Variants in COL6A3 observed in about 807,000 individuals in gnomAD.
COL6A3 encodes the protein collagen alpha-3(VI) chain.
In COL6A3, 137 loss-of-function variants were observed where a neutral mutation model predicts 274.1. That is an observed-to-expected ratio of 0.50 (90% CI 0.44 to 0.58). The LOEUF (loss-of-function observed/expected upper bound fraction) is 0.58, where lower values mean the gene tolerates loss of function less well. Among genes scored for constraint, COL6A3 ranks in the 20% least tolerant of loss-of-function variants. COL6A3 has a pLI of 0.00. For synonymous variants in COL6A3, 1,650 were observed against 1,650.6 expected (o/e 1.00, Z 0.01); for missense variants, 3,950 against 4,124.9 (o/e 0.96, Z 1.16).
At chr2:237,379,906 T>A (rs2077958666) in intron 5 of COL6A3, among the ~76,000 whole-genome samples, 1 of 152,242 alleles carries the variant, frequency 6.6e-6, no homozygotes, top group South Asian at 2.1e-4. Context: ...AGAAGGAGAC[T>A]AGTTGCTAGG....
rs767827741 is a variant in COL6A3 at position 237,374,438 on chromosome 2, G to GT, written c.3652_3653insA (p.Pro1218HisfsTer30). 6.2e-7 allele frequency: 1 copy of GT among 1,613,322 alleles called. No homozygotes were observed. The highest frequency in any genetic ancestry group is 8.5e-7 in the Non-Finnish European group (1 of 1,179,990). ...TGGGCTCGGTAGAGGCTGCAACACC[G>GT]GCTGCAGCCTGCTCAGCTCCTCGCG... On this transcript the variant is annotated frameshift_variant, in exon 8 of 44. Coordinates refer to ENST00000295550, the MANE Select transcript of COL6A3 (RefSeq NM_004369.4). LOFTEE classifies it high-confidence loss of function. The surrounding 1 kb of genome is among the most constrained non-coding windows in gnomAD (Gnocchi z 4.8).
intron 39 of COL6A3, among the ~76,000 whole-genome samples, chr2:237,338,714 G>A (rs1700673429): frequency 6.6e-6 from 1 of 152,226 alleles, no homozygotes; most frequent in African/African-American, 2.4e-5. Context: ...GTTACAGTGA[G>A]CCAAGATTGC....
At chr2:237,408,993 C>A (rs556851046) in intron 1 of COL6A3, among the ~76,000 whole-genome samples, 2 of 152,244 alleles carry the variant, frequency 1.3e-5, no homozygotes, top group South Asian at 4.1e-4. Flanking sequence ...CTCCACATGG[C>A]ACCCTAAAAT....
In COL6A3 at chr2:237,387,734, G is replaced by C; in HGVS notation, c.1160C>G (p.Ala387Gly). The part of the protein sequence containing the change: ...FGLGAQAASR[A>G]ELQHIATDDN... ...ATCGGTAGCTATGTGCTGAAGCTCT[G>C]CCCTGGAGGCGGCCTGGGCTCCAAG... The change falls in exon 4 of 44, where the codon GCA becomes GGA. Residue 387 changes from alanine (A) to glycine (G), a missense_variant. Around this residue, in one of 5 missense-constraint regions of COL6A3, gnomAD observed 1,934 missense variants for 1,984.3 expected, o/e 0.97. Coordinates refer to ENST00000295550, the MANE Select transcript of COL6A3 (RefSeq NM_004369.4). 1 of 1,614,038 alleles carries C rather than the reference G, an allele frequency of 6.2e-7. No individual in the cohort carries two copies.
At chr2:237,326,885 A>G (rs770086449) in intron 42 of COL6A3, 4 of 152,272 alleles carry the variant, frequency 2.6e-5, no homozygotes, top group Non-Finnish European at 5.9e-5. Flanking sequence ...AAAGGTGCAC[A>G]GGACTGAGGC....
In COL6A3 at chr2:237,330,807, A is replaced by G. The variant is rs183727043; in HGVS notation, c.9328+2643T>C. ...CATTAACATATGCAAACGAAAACCA[A>G]TGGTAACACTGGTCCTCTCCTCTTC... On this transcript the variant is annotated intron_variant, in intron 42 of 43. Transcript: ENST00000295550. 1.6e-3 allele frequency among the ~76,000 whole-genome samples: 250 copies of G among 152,328 alleles called. 3 individuals carry two copies. The highest frequency in any genetic ancestry group is 5.0e-3 in the African/African-American group (207 of 41,562).
chr2:237,374,461 G>A lies in COL6A3; in HGVS notation c.3630C>T (p.Arg1210=), dbSNP rs757349824. The A allele has an allele frequency of 8.7e-6, 14 of 1,613,758 alleles. No homozygotes were observed. Among genetic ancestry groups the A allele is most frequent in the Admixed American group, 3.3e-5 (2 of 60,008 alleles). ...VISERVTQLT[R]EELSRLQPVL... ...CCGGCTGCAGCCTGCTCAGCTCCTC[G>A]CGGGTGAGCTGGGTCACCCTCTCAG... The change falls in exon 8 of 44, where the codon CGC becomes CGT. Residue 1210 remains arginine, a synonymous_variant. Transcript: ENST00000295550. The surrounding 1 kb of genome is among the most constrained non-coding windows in gnomAD (Gnocchi z 4.8).
intron 4 of COL6A3, among the ~76,000 whole-genome samples, chr2:237,384,349 C>T (rs1254651050): frequency 2.6e-5 from 4 of 152,134 alleles, no homozygotes; most frequent in African/African-American, 9.7e-5. Flanking sequence ...ACTTCACTGC[C>T]TTGTTGGGAG....
chr2:237,376,947 C>G lies in COL6A3; in HGVS notation c.2895G>C (p.Gln965His). The G allele has an allele frequency of 6.2e-7, 1 of 1,614,254 alleles. No homozygotes were observed. Among genetic ancestry groups the G allele is most frequent in the Non-Finnish European group, 8.5e-7 (1 of 1,180,044 alleles). Residue 965 changes from glutamine to histidine, a missense_variant, in exon 7 of 44, where the codon CAG becomes CAC. Physicochemically the swap from Gln to His is conservative, Grantham distance 24. This residue lies in a region of COL6A3 where 1,934 missense variants were observed against 1,984.3 expected (regional missense o/e 0.97). Transcript: ENST00000295550. ...RVDGPASNLK[Q>H]SGVVPFIFQA... ...GGAAGATGAAAGGCACAACCCCACT[C>G]TGCTTCAGGTTACTTGCTGGCCCAT... is the stretch of plus-strand genomic sequence containing the variant.
chr2:237,363,442 G>A, intron 13 of COL6A3, 44 bp from the exon 14 acceptor site: 2 of 1,611,794 alleles, frequency 1.2e-6, no homozygotes, highest in Non-Finnish European at 1.7e-6. Context: ...TAGGCATGTG[G>A]AAAATGCAAT....
intron 20 of COL6A3, 44 bp downstream of exon 20, chr2:237,358,988 ATGT>A (rs755562421): frequency 2.5e-6 from 4 of 1,589,018 alleles, no homozygotes; most frequent in South Asian, 1.1e-5. Flanking sequence ...CCTAAATGAA[ATGT>A]TGATATTCTT....
Position 237,368,607 on chromosome 2 carries a change from G to A in COL6A3, c.4856C>T (p.Thr1619Ile). 6.2e-7 allele frequency: 1 copy of A among 1,614,166 alleles called. No individual in the cohort carries two copies. Among genetic ancestry groups the A allele is most frequent in the Non-Finnish European group, 8.5e-7 (1 of 1,180,024 alleles). Residue 1619 changes from threonine to isoleucine, a missense_variant, in exon 10 of 44, where the codon ACT becomes ATT. Thr to Ile is a moderately conservative substitution (Grantham distance 89, BLOSUM62 -1). Coordinates refer to ENST00000295550, the MANE Select transcript of COL6A3 (RefSeq NM_004369.4). This position sits in a 1 kb window ranked among gnomAD's most constrained non-coding sequence, Gnocchi z 4.4. The part of the protein sequence containing the change: ...IMNSFGPSAA[T>I]PAPPGVDTPP... ...GGTGTCCACCCCTGGAGGTGCAGGA[G>A]TGGCTGCGGAGGGTCCAAACGAGTT...
At position 237,363,017 on chromosome 2, in the gene COL6A3, G is replaced by A. The variant is rs144085261; in HGVS notation, c.6063+236C>T. Among the ~76,000 whole-genome samples, 230 of 152,234 alleles carry A rather than the reference G, an allele frequency of 1.5e-3. 2 individuals are homozygous for A. The highest frequency in any genetic ancestry group is 5.2e-3 in the African/African-American group (214 of 41,536). On this transcript the variant is annotated intron_variant, in intron 14 of 43. Coordinates refer to ENST00000295550, the MANE Select transcript of COL6A3 (RefSeq NM_004369.4). ...AAAATGCTAAGGCCACAACCTCAGC[G>A]CGCCCAGGATCCCCTTCCAGCTCGC...
rs201240081 is a variant in COL6A3, at chr2:237,372,090, C to G, written c.3927G>C (p.Gln1309His). Residue 1309 changes from glutamine to histidine, a missense_variant, in exon 9 of 44, where the codon CAG becomes CAC. Transcript: ENST00000295550. The stretch of plus-strand genomic sequence containing the variant: ...ACTCCAGGGCATTGCCCACGTTGAT[C>G]TGCCGCCCTCCCTTGGGCCTCAGCC... ...VQRLRPKGGR[Q>H]INVGNALEYV... 2 of 1,614,086 alleles carry G rather than the reference C, an allele frequency of 1.2e-6. No homozygotes were observed. The highest frequency in any genetic ancestry group is 1.7e-6 in the Non-Finnish European group (2 of 1,180,044).
At chr2:237,353,226 C>T (rs2077244885) in intron 25 of COL6A3, 115 bp downstream of exon 25, 12 of 977,392 alleles carry the variant, frequency 1.2e-5, no homozygotes, top group Non-Finnish European at 1.9e-5. Flanking sequence ...TACCAAATGC[C>T]ACTGGATTGT....
intron 1 of COL6A3, among the ~76,000 whole-genome samples, chr2:237,401,896 G>A (rs2078599653): frequency 6.6e-6 from 1 of 152,002 alleles, no homozygotes; most frequent in South Asian, 2.1e-4. Context: ...TGTTGCCCAG[G>A]CTGGTCTTGA....
chr2:237,361,416 A>G lies in COL6A3; in HGVS notation c.6157-242T>C, dbSNP rs2077434424. Reference sequence around the variant, plus strand: ...ACTCAGAGCAAATGCTATGAGTTCCAGCTGCCATTCGCAGCCAGGCTGCTG... The same window carrying G: ...ACTCAGAGCAAATGCTATGAGTTCCGGCTGCCATTCGCAGCCAGGCTGCTG... On this transcript the variant is annotated intron_variant, in intron 15 of 43. Transcript: ENST00000295550. This position sits in a 1 kb window ranked among gnomAD's most constrained non-coding sequence, Gnocchi z 5.1. Among the ~76,000 whole-genome samples the G allele has an allele frequency of 1.3e-5, 2 of 152,216 alleles. No homozygotes were observed. The highest frequency in any genetic ancestry group is 2.9e-5 in the Non-Finnish European group (2 of 68,032).
chr2:237,346,224 A>G lies in COL6A3; in HGVS notation c.7092+279T>C, dbSNP rs140259811. Among the ~76,000 whole-genome samples, 514 of 152,334 alleles carry G rather than the reference A, an allele frequency of 3.4e-3. 9 individuals carry two copies. The highest frequency in any genetic ancestry group is 0.012 in the African/African-American group (500 of 41,576). On this transcript the variant is annotated intron_variant, in intron 32 of 43. Coordinates refer to ENST00000295550, the MANE Select transcript of COL6A3 (RefSeq NM_004369.4). ...CCCTCTTTGGTTTCTCCTCTACACA[A>G]ACCTCAAATGCACCTATGCCAGGAA...
chr2:237,369,261 C>T, intron 9 of COL6A3, 84 bp from the exon 10 acceptor site: 4 of 1,533,062 alleles, frequency 2.6e-6, no homozygotes, highest in African/African-American at 1.4e-5. Context: ...CACCATAATC[C>T]TAATCAACCT....
Sources: gnomAD v4.1 joint callset for allele counts (sites outside exome capture counted in the v4.1 genomes callset) on GRCh38, gnomAD v4.1.1 for gene constraint, gnomAD v4.1.1 regional missense constraint, Gnocchi (gnomAD v3.1) non-coding constraint, MANE v1.5 for transcripts, NCBI Gene and HGNC (gene_info 2026-07-23, HGNC 2026-07-21) for gene names.